The following THEMIS variants were observed in gnomAD, a reference collection of about 807,000 sequenced individuals.
THEMIS encodes protein THEMIS.
In THEMIS, 37 loss-of-function variants were observed where a neutral mutation model predicts 52.6. That is an observed-to-expected ratio of 0.70 (90% CI 0.54 to 0.93). The LOEUF (loss-of-function observed/expected upper bound fraction) is 0.93. THEMIS is among the 40% of genes least tolerant of loss of function. THEMIS has a pLI of 0.00. For missense variants in THEMIS, 808 were observed against 763.1 expected (o/e 1.06, Z -0.69); for synonymous variants, 292 against 272.7 (o/e 1.07, Z -0.70).
upstream of THEMIS, among the ~76,000 whole-genome samples, chr6:127,902,761 C>T (rs970739849): frequency 1.3e-5 from 2 of 152,058 alleles, no homozygotes; most frequent in Non-Finnish European, 2.9e-5. Flanking sequence ...ATACCCCTCC[C>T]CACAGTTTAC....
rs189534791 is a variant in THEMIS, at chr6:127,859,217, C to T, written c.92-4029G>A. Among the ~76,000 whole-genome samples, 173 of 152,208 alleles carry T rather than the reference C, an allele frequency of 1.1e-3. 1 individual carries two copies. Among genetic ancestry groups the T allele is most frequent in the African/African-American group, 3.9e-3 (163 of 41,556 alleles). Reference sequence around the variant, plus strand: ...ACCAGGCCACCCATCCCTTTACATCCTTATTAACTTGTCAAAGTCCAACCA... The same window carrying T: ...ACCAGGCCACCCATCCCTTTACATCTTTATTAACTTGTCAAAGTCCAACCA... On this transcript the variant is annotated intron_variant, in intron 1 of 5. Transcript: ENST00000368248.
At chr6:127,757,159 C>T (rs1215631381) in intron 4 of THEMIS, among the ~76,000 whole-genome samples, 1 of 152,008 alleles carries the variant, frequency 6.6e-6, no homozygotes, top group Non-Finnish European at 1.5e-5. Context: ...TTAATTTTAG[C>T]TAATTTAAAT....
At chr6:127,712,610 T>C (rs1774021254) in intron 5 of THEMIS, among the ~76,000 whole-genome samples, 1 of 151,952 alleles carries the variant, frequency 6.6e-6, no homozygotes, top group Non-Finnish European at 1.5e-5. Context: ...ATTACTCAGT[T>C]GATCAGACTA....
rs116022503 is a variant in THEMIS, at chr6:127,906,625, A to G, written c.-149-5544T>C. Among the ~76,000 whole-genome samples, 1,429 of 152,068 alleles carry G rather than the reference A, an allele frequency of 9.4e-3. 25 individuals are homozygous for G. The highest frequency in any genetic ancestry group is 0.032 in the African/African-American group (1,349 of 41,556). On this transcript the variant is annotated intron_variant, in intron 1 of 6. Transcript: ENST00000368250. ...AAAAAAAGGAGGAGAAAAGAAAAGA[A>G]AATGCATTTCACATTACCCTAATAA...
chr6:127,821,294 A>T (rs1167869084), intron 3 of THEMIS, among the ~76,000 whole-genome samples: 1 of 152,028 alleles, frequency 6.6e-6, no homozygotes, highest in African/African-American at 2.4e-5. Context: ...AGAAAATGTC[A>T]TTTTCCAAAA....
At chr6:127,867,282 C>T (rs142024849) in intron 1 of THEMIS, among the ~76,000 whole-genome samples, 3 of 152,114 alleles carry the variant, frequency 2.0e-5, no homozygotes, top group East Asian at 1.9e-4. Context: ...CAAAGAAAAA[C>T]CTAGTTCCAC....
chr6:127,909,616 G>A (rs1453529551), intron 1 of THEMIS, among the ~76,000 whole-genome samples: 1 of 152,106 alleles, frequency 6.6e-6, no homozygotes, highest in Non-Finnish European at 1.5e-5. Context: ...ATAGCAGCAT[G>A]AGAACAGACT....
Position 127,709,213 on chromosome 6 carries a change from A to C in THEMIS, c.*772T>G, listed in dbSNP as rs1302104215. ...TGTCTTTTTCTTTCCATCAAATATT[A>C]TGATTAACTAGATAATTTTCCTACA... On this transcript the variant is annotated 3_prime_UTR_variant, in exon 6 of 6. Transcript: ENST00000368248. The C allele has an allele frequency of 6.6e-6, 1 of 151,994 alleles. No individual in the cohort carries two copies. Among genetic ancestry groups the C allele is most frequent in the Non-Finnish European group, 1.5e-5 (1 of 67,940 alleles). 9.4% of individuals were successfully genotyped at this position (151,994 alleles called of 1,614,324 possible).
chr6:127,873,617 G>T (rs762925340), intron 1 of THEMIS, among the ~76,000 whole-genome samples: 7 of 152,118 alleles, frequency 4.6e-5, no homozygotes, highest in Non-Finnish European at 8.8e-5. Context: ...ACCTAGTACT[G>T]GTTACCCTTA....
In THEMIS at chr6:127,719,781, C is replaced by G. The variant is rs1480701195; in HGVS notation, c.1801G>C (p.Ala601Pro). The G allele has an allele frequency of 3.1e-6, 5 of 1,612,190 alleles. No homozygotes were observed. The highest frequency in any genetic ancestry group is 4.2e-6 in the Non-Finnish European group (5 of 1,178,958). Residue 601 changes from alanine to proline, a missense_variant, in exon 5 of 6, where the codon GCT becomes CCT. Transcript: ENST00000368248. ...DITKKLHPNQ[A>P]GLDSKVLIGS... is the part of the protein sequence containing the mutation. ...ATCAGTACTTTTGAATCCAGGCCAG[C>G]TTGATTTGGGTGAAGTTTCTTGGTT... is the stretch of plus-strand genomic sequence containing the variant.
chr6:127,827,831 C>T (rs1407357365), intron 3 of THEMIS, among the ~76,000 whole-genome samples: 1 of 152,184 alleles, frequency 6.6e-6, no homozygotes, highest in Non-Finnish European at 1.5e-5. Context: ...GTTCTTCTCT[C>T]CCTGCTTAAA....
intron 4 of THEMIS, among the ~76,000 whole-genome samples, chr6:127,720,633 T>A (rs1014735868): frequency 2.6e-5 from 4 of 152,024 alleles, no homozygotes; most frequent in African/African-American, 4.8e-5. Flanking sequence ...CTAGCCATGT[T>A]GGCTCACTAA....
intron 1 of THEMIS, among the ~76,000 whole-genome samples, chr6:127,869,187 C>T (rs1394441700): frequency 6.6e-6 from 1 of 152,104 alleles, no homozygotes; most frequent in Non-Finnish European, 1.5e-5. Flanking sequence ...CTCAACTTAC[C>T]ATAGGGTTAC....
At chr6:127,764,187 C>A (rs542187710) in intron 4 of THEMIS, among the ~76,000 whole-genome samples, 4 of 151,892 alleles carry the variant, frequency 2.6e-5, no homozygotes, top group African/African-American at 9.7e-5. Flanking sequence ...CAAACTTTAT[C>A]CCATTTAATA....
At chr6:127,822,890 G>A (rs1251786478) in intron 3 of THEMIS, among the ~76,000 whole-genome samples, 1 of 152,042 alleles carries the variant, frequency 6.6e-6, no homozygotes, top group Non-Finnish European at 1.5e-5. Flanking sequence ...ATTAACTTTT[G>A]CCTGAGTTTT....
intron 3 of THEMIS, among the ~76,000 whole-genome samples, chr6:127,824,343 A>G (rs530715045): frequency 1.3e-4 from 20 of 152,260 alleles, no homozygotes; most frequent in African/African-American, 4.1e-4. Flanking sequence ...CATAATCCCC[A>G]GAAGATACCA....
At chr6:127,781,171 G>A (rs1583269670) in intron 4 of THEMIS, among the ~76,000 whole-genome samples, 1 of 151,440 alleles carries the variant, frequency 6.6e-6, no homozygotes, top group East Asian at 2.0e-4. Flanking sequence ...CCTTTCTTCT[G>A]CTTGATCGGT....
chr6:127,787,950 G>T (rs1351104259), intron 4 of THEMIS, among the ~76,000 whole-genome samples: 2 of 151,918 alleles, frequency 1.3e-5, no homozygotes, highest in Non-Finnish European at 2.9e-5. Context: ...TAAACACAAA[G>T]TGTCTAGATT....
At chr6:127,857,584 T>G (rs1779660119) in intron 1 of THEMIS, among the ~76,000 whole-genome samples, 2 of 152,024 alleles carry the variant, frequency 1.3e-5, no homozygotes, top group African/African-American at 4.8e-5. Context: ...AGTCACAGAA[T>G]CTACATTTCC....
Sources: allele counts gnomAD v4.1 joint callset (sites outside exome capture counted in the v4.1 genomes callset), GRCh38; gene constraint gnomAD v4.1.1; transcripts MANE v1.5; gene names NCBI Gene and HGNC (gene_info 2026-07-23, HGNC 2026-07-21).